Variants in DCAKD observed in about 807,000 individuals in gnomAD.
DCAKD encodes the protein dephospho-CoA kinase domain-containing protein.
A neutral mutation model predicts 18.7 loss-of-function variants in DCAKD; 15 were observed. The observed-to-expected ratio is 0.80, with a 90% CI of 0.54 to 1.24. DCAKD has a LOEUF of 1.24. Ranked by LOEUF, DCAKD falls within the 50% of genes most tolerant of loss-of-function variation. The pLI is 0.00. For missense variants in DCAKD, 301 were observed against 322.0 expected (o/e 0.93, Z 0.50); for synonymous variants, 130 against 133.0 (o/e 0.98, Z 0.16).
At chr17:45,046,370 C>T (rs1171622928) in intron 1 of DCAKD, among the ~76,000 whole-genome samples, 1 of 152,108 alleles carries the variant, frequency 6.6e-6, no homozygotes, top group Non-Finnish European at 1.5e-5. Flanking sequence ...GTAATCCCAG[C>T]ACTTTGGGAG....
intron 1 of DCAKD, among the ~76,000 whole-genome samples, chr17:45,045,391 G>A (rs923916058): frequency 1.3e-5 from 2 of 152,150 alleles, no homozygotes; most frequent in African/African-American, 2.4e-5. Context: ...TCTGGGTACT[G>A]CTGTATCCAA....
intron 1 of DCAKD, among the ~76,000 whole-genome samples, chr17:45,035,850 C>T (rs940538618): frequency 6.6e-6 from 1 of 152,190 alleles, no homozygotes; most frequent in Non-Finnish European, 1.5e-5. Context: ...GATCACTTCC[C>T]CTTGAACGCC....
intron 1 of DCAKD, among the ~76,000 whole-genome samples, chr17:45,060,059 G>A (rs2053832043): frequency 1.3e-5 from 2 of 152,210 alleles, no homozygotes; most frequent in South Asian, 4.1e-4. Context: ...AGCCGAGATC[G>A]CACCACTGCA....
At chr17:45,052,983 G>A (rs949696954), upstream of DCAKD, among the ~76,000 whole-genome samples, 5 of 151,222 alleles carry the variant, frequency 3.3e-5, no homozygotes, top group Non-Finnish European at 5.9e-5. Flanking sequence ...GGCCAACATG[G>A]CAAAATCCCG....
At chr17:45,057,423 C>A (rs551130017) in intron 1 of DCAKD, among the ~76,000 whole-genome samples, 1 of 150,952 alleles carries the variant, frequency 6.6e-6, no homozygotes, top group East Asian at 2.0e-4. Context: ...AAGCTCTCGG[C>A]TGGGCGCAGT....
chr17:45,033,786 AC>A, intron 3 of DCAKD: 1 of 971,482 alleles, frequency 1.0e-6, no homozygotes, highest in Non-Finnish European at 1.3e-6. Context: ...TATTATCCCC[AC>A]TGCACAAATG....
chr17:45,041,138 G>A (rs1224714290), intron 1 of DCAKD, among the ~76,000 whole-genome samples: 6 of 151,980 alleles, frequency 3.9e-5, no homozygotes, highest in Non-Finnish European at 8.8e-5. Context: ...CAGGGTCATG[G>A]CTTAAAGGAG....
intron 1 of DCAKD, among the ~76,000 whole-genome samples, chr17:45,044,504 C>T (rs2053518312): frequency 6.6e-6 from 1 of 152,066 alleles, no homozygotes; most frequent in Non-Finnish European, 1.5e-5. Context: ...CCAGCCTGGC[C>T]AACATAGCAA....
chr17:45,057,434 G>A lies in DCAKD; in HGVS notation c.-118+3454C>T, dbSNP rs113718735. Among the ~76,000 whole-genome samples, 253 of 151,942 alleles carry A rather than the reference G, an allele frequency of 1.7e-3. 1 individual carries two copies. Among genetic ancestry groups the A allele is most frequent in the African/African-American group, 5.8e-3 (239 of 41,458 alleles). ...TGGAAAGCTCTCGGCTGGGCGCAGT[G>A]GCTCATGCCTGTAATCCCAGCACTT... On this transcript the variant is annotated intron_variant, in intron 1 of 4. Coordinates refer to the DCAKD transcript ENST00000310604.
intron 1 of DCAKD, among the ~76,000 whole-genome samples, chr17:45,035,586 C>T (rs558959168): frequency 1.3e-5 from 2 of 151,616 alleles, no homozygotes; most frequent in East Asian, 3.9e-4. Flanking sequence ...GCTTCCTGGA[C>T]GAGGCAGGAT....
At chr17:45,045,436 A>G (rs1468026253) in intron 1 of DCAKD, among the ~76,000 whole-genome samples, 1 of 152,198 alleles carries the variant, frequency 6.6e-6, no homozygotes, top group Non-Finnish European at 1.5e-5. Context: ...ATAGGCCCTT[A>G]AAAGATACTT....
intron 3 of DCAKD, chr17:45,031,974 G>C: frequency 4.1e-6 from 4 of 985,408 alleles, no homozygotes; most frequent in Non-Finnish European, 4.8e-6. Context: ...GGGCTCTCTG[G>C]CTTTTATTTA....
Position 45,031,195 on chromosome 17 carries a change from C to T in DCAKD, c.317-1016G>A, listed in dbSNP as rs578103213. 73 of 985,372 alleles carry T rather than the reference C, an allele frequency of 7.4e-5. No individual in the cohort carries two copies. The African/African-American group carries it at 1.2e-3, about 16-fold the overall frequency. The allele number at this position is 985,372 out of a possible 1,614,324, so 61.0% of individuals were successfully genotyped here. A position where few individuals can be genotyped will look rare whatever the true frequency, so the allele number is the denominator to read the frequency against. On this transcript the variant is annotated intron_variant, in intron 3 of 4. Coordinates refer to ENST00000651974, the MANE Select transcript of DCAKD (RefSeq NM_001288655.2). ...CATCACACCAATTCCAAGGGTGTCA[C>T]GGGAAACTTGCACTCAAAGTGATGC...
chr17:45,045,863 T>C (rs1337972416), intron 1 of DCAKD, among the ~76,000 whole-genome samples: 1 of 152,158 alleles, frequency 6.6e-6, no homozygotes, highest in Non-Finnish European at 1.5e-5. Flanking sequence ...CCTTGCTCTG[T>C]TGCCCAGGCT....
chr17:45,060,184 T>A (rs139201799), intron 1 of DCAKD, among the ~76,000 whole-genome samples: 24 of 152,302 alleles, frequency 1.6e-4, no homozygotes, highest in African/African-American at 5.5e-4. Context: ...TTAAATGAGA[T>A]AATGTACGAA....
At chr17:45,028,143 C>G (rs2053096180) in intron 4 of DCAKD, among the ~76,000 whole-genome samples, 1 of 149,426 alleles carries the variant, frequency 6.7e-6, no homozygotes, top group Non-Finnish European at 1.5e-5. Flanking sequence ...GAGTCTCGCT[C>G]TGTCGCCCAG....
At chr17:45,039,798 AGCTCTCCTGGGAGTGGTGAATAAAT>A (rs1307851959) in intron 1 of DCAKD, among the ~76,000 whole-genome samples, 1 of 152,194 alleles carries the variant, frequency 6.6e-6, no homozygotes, top group Non-Finnish European at 1.5e-5. Flanking sequence ...AGTGGTTCAG[AGCTCTCCTGGGAGTGGTGAATAAAT>A]GCTCCCCTGG....
At chr17:45,032,524 C>A (rs2053193578) in intron 3 of DCAKD, among the ~76,000 whole-genome samples, 1 of 152,126 alleles carries the variant, frequency 6.6e-6, no homozygotes, top group Non-Finnish European at 1.5e-5. Context: ...GTGGCTCACG[C>A]TTGTATTCCC....
At chr17:45,054,647 TC>T (rs2053761331), upstream of DCAKD, among the ~76,000 whole-genome samples, 1 of 152,122 alleles carries the variant, frequency 6.6e-6, no homozygotes, top group Non-Finnish European at 1.5e-5. Flanking sequence ...ACAGAACAAA[TC>T]TAATTCTATT....
Sources: allele counts gnomAD v4.1 joint callset (sites outside exome capture counted in the v4.1 genomes callset), GRCh38; gene constraint gnomAD v4.1.1; transcripts MANE v1.5; gene names NCBI Gene and HGNC (gene_info 2026-07-23, HGNC 2026-07-21).